CSMD1: variants seen among roughly 807,000 people sequenced by gnomAD.
The protein encoded by CSMD1 is CUB and sushi domain-containing protein 1.
A neutral mutation model predicts 417.5 loss-of-function variants in CSMD1; 213 were observed. The observed-to-expected ratio is 0.51, with a 90% CI of 0.46 to 0.57. The LOEUF (loss-of-function observed/expected upper bound fraction) is 0.57. Among genes scored for constraint, CSMD1 ranks in the 20% least tolerant of loss-of-function variants. CSMD1 has a pLI of 0.00. For synonymous variants in CSMD1, 2,862 were observed against 1,736.8 expected (o/e 1.65, Z -16.11); for missense variants, 6,923 against 4,529.7 (o/e 1.53, Z -15.17).
chr8:4,407,500 C>G (rs1805113911), intron 3 of CSMD1, among the ~76,000 whole-genome samples: 1 of 152,098 alleles, frequency 6.6e-6, no homozygotes, highest in Admixed American at 6.6e-5. Flanking sequence ...TCATTGTACT[C>G]TGTTGTATTT....
At chr8:3,720,620 TACACACACACACAC>T (rs1554520854) in intron 6 of CSMD1, among the ~76,000 whole-genome samples, 8 of 143,418 alleles carry the variant, frequency 5.6e-5, no homozygotes, top group African/African-American at 1.8e-4. Context: ...TCTTTATTCT[TACACACACACACAC>T]ACACACACAC....
chr8:4,202,116 T>C (rs190941726), intron 3 of CSMD1, among the ~76,000 whole-genome samples: 35 of 152,242 alleles, frequency 2.3e-4, no homozygotes, highest in Admixed American at 5.2e-4. Flanking sequence ...AGTTTTTTTT[T>C]CTAGAGAAAA....
chr8:4,728,422 G>C (rs974719622), intron 1 of CSMD1, among the ~76,000 whole-genome samples: 6 of 151,988 alleles, frequency 3.9e-5, no homozygotes, highest in Non-Finnish European at 7.4e-5. Flanking sequence ...AAATTCCTGA[G>C]GGTAAGAAGC....
chr8:3,404,712 A>C lies in CSMD1; in HGVS notation c.2266+1315T>G, dbSNP rs535341241. The stretch of plus-strand genomic sequence containing the variant: ...AACCATAATTAACATTTTGGTGTGT[A>C]GCCTTTTTTTAGTGTTTTACAAAGT... On this transcript the variant is annotated intron_variant, in intron 15 of 69. Transcript: ENST00000635120. Among the ~76,000 whole-genome samples, 61 of 152,340 alleles carry C rather than the reference A, an allele frequency of 4.0e-4. 1 individual carries two copies. The South Asian group carries it at 7.5e-3, about 19-fold the overall frequency.
At chr8:4,477,457 A>AT (rs1440569108) in intron 2 of CSMD1, among the ~76,000 whole-genome samples, 3 of 152,270 alleles carry the variant, frequency 2.0e-5, no homozygotes, top group Non-Finnish European at 4.4e-5. Context: ...AAAACACATG[A>AT]TTTTCAGATA....
chr8:4,807,909 GCT>G (rs2117317664), intron 1 of CSMD1, among the ~76,000 whole-genome samples: 1 of 152,244 alleles, frequency 6.6e-6, no homozygotes, highest in Admixed American at 6.5e-5. Flanking sequence ...GGAAGTACAA[GCT>G]CTCTTTCTAC....
At chr8:4,912,371 T>A (rs201235018) in intron 1 of CSMD1, among the ~76,000 whole-genome samples, 34 of 100,470 alleles carry the variant, frequency 3.4e-4, no homozygotes, top group African/African-American at 1.2e-3. Flanking sequence ...TTTTTTTTTT[T>A]TTTTCTTTTC....
At chr8:3,817,016 G>C (rs1801405950) in intron 5 of CSMD1, among the ~76,000 whole-genome samples, 1 of 151,976 alleles carries the variant, frequency 6.6e-6, no homozygotes, top group African/African-American at 2.4e-5. Flanking sequence ...GTGTTGTAAA[G>C]AAAAAACAAT....
chr8:4,215,936 G>C (rs115723905), intron 3 of CSMD1, among the ~76,000 whole-genome samples: 1 of 152,174 alleles, frequency 6.6e-6, no homozygotes, highest in African/African-American at 2.4e-5. Context: ...ATGCAGGACT[G>C]AACATGCCAG....
At chr8:3,734,822 C>G (rs1038756361) in intron 6 of CSMD1, among the ~76,000 whole-genome samples, 3 of 152,218 alleles carry the variant, frequency 2.0e-5, no homozygotes, top group Admixed American at 6.5e-5. Flanking sequence ...ACGGGGATAC[C>G]TTCCTTCTGG....
chr8:3,338,833 TA>T (rs1807450062), intron 23 of CSMD1, among the ~76,000 whole-genome samples: 1 of 151,748 alleles, frequency 6.6e-6, no homozygotes, highest in South Asian at 2.1e-4. Flanking sequence ...TTTAAATTTT[TA>T]TTTTTATATT....
At chr8:4,686,747 G>C (rs1197052803) in intron 1 of CSMD1, among the ~76,000 whole-genome samples, 1 of 152,190 alleles carries the variant, frequency 6.6e-6, no homozygotes, top group East Asian at 1.9e-4. Flanking sequence ...CCTCAGCCAT[G>C]AACCTAAGAT....
At chr8:4,388,448 C>G (rs1470900467) in intron 3 of CSMD1, among the ~76,000 whole-genome samples, 1 of 151,072 alleles carries the variant, frequency 6.6e-6, no homozygotes, top group South Asian at 2.1e-4. Context: ...TGAAGTAACT[C>G]AGGAATGAAA....
At chr8:3,826,279 C>T (rs189943854) in intron 5 of CSMD1, among the ~76,000 whole-genome samples, 1 of 152,182 alleles carries the variant, frequency 6.6e-6, no homozygotes, top group African/African-American at 2.4e-5. Context: ...AAAAATACCA[C>T]CCAGGGTAAT....
chr8:3,601,835 C>T (rs535171299), intron 8 of CSMD1, among the ~76,000 whole-genome samples: 4 of 152,158 alleles, frequency 2.6e-5, no homozygotes, highest in Admixed American at 1.3e-4. Flanking sequence ...CATTCTGTTT[C>T]CCCCTACGTC....
chr8:4,481,551 A>G (rs1480658331), intron 2 of CSMD1, among the ~76,000 whole-genome samples: 1 of 152,158 alleles, frequency 6.6e-6, no homozygotes, highest in African/African-American at 2.4e-5. Context: ...ACCTGTTTTT[A>G]TTTGGTGACG....
intron 3 of CSMD1, among the ~76,000 whole-genome samples, chr8:4,410,777 C>G (rs1366055384): frequency 6.6e-6 from 1 of 152,120 alleles, no homozygotes; most frequent in Non-Finnish European, 1.5e-5. Flanking sequence ...AGTATAACAA[C>G]TCATGAGTTG....
In CSMD1 at chr8:3,308,402, T is replaced by C. The variant is rs1409941908; in HGVS notation, c.3733A>G (p.Asn1245Asp). ...CTGCCATGCATGGCGTACCCCGGGT[T>C]GCAACTGTACAGAACTACAGTGTCG... The part of the protein sequence containing the change: ...FTDTVVLYSC[N>D]PGYAMHGSNT... Residue 1245 changes from asparagine (N) to aspartate (D), a missense_variant, in exon 24 of 70, where the codon AAC becomes GAC. Coordinates refer to ENST00000635120, the MANE Select transcript of CSMD1 (RefSeq NM_033225.6). 1 of 1,613,058 alleles carries C rather than the reference T, an allele frequency of 6.2e-7. No individual in the cohort carries two copies. The highest frequency in any genetic ancestry group is 1.7e-5 in the Admixed American group (1 of 60,018).
chr8:3,578,778 A>T (rs74369973), intron 9 of CSMD1, among the ~76,000 whole-genome samples: 1 of 152,194 alleles, frequency 6.6e-6, no homozygotes, highest in Non-Finnish European at 1.5e-5. Context: ...AGGCAGGGAA[A>T]CTTCTTTCCT....
Sources: allele counts gnomAD v4.1 joint callset (sites outside exome capture counted in the v4.1 genomes callset), GRCh38; gene constraint gnomAD v4.1.1; transcripts MANE v1.5; gene names NCBI Gene and HGNC (gene_info 2026-07-23, HGNC 2026-07-21).